PITRM1: variants seen among roughly 807,000 people sequenced by gnomAD.
PITRM1 encodes pitrilysin metallopeptidase 1, also known as presequence protease, mitochondrial.
Under a neutral mutation model 129.9 loss-of-function variants are expected in PITRM1, and 100 were observed. The ratio of observed to expected loss-of-function variants is 0.77; its 90% CI spans 0.65 to 0.91. The LOEUF is 0.91. PITRM1 is among the 40% of genes least tolerant of loss of function. PITRM1 has a pLI of 0.00. For missense variants in PITRM1, 1,471 were observed against 1,318.3 expected (o/e 1.12, Z -1.79); for synonymous variants, 591 against 508.8 (o/e 1.16, Z -2.17).
intron 21 of PITRM1, 45 bp from the exon 22 acceptor site, chr10:3,144,411 A>C: frequency 6.1e-6 from 7 of 1,144,712 alleles, no homozygotes; most frequent in Non-Finnish European, 8.9e-6. Context: ...TCCAGAACTC[A>C]CTTGAAATAT....
chr10:3,154,779 T>C (rs1273719013), intron 14 of PITRM1, among the ~76,000 whole-genome samples: 2 of 152,178 alleles, frequency 1.3e-5, no homozygotes, highest in African/African-American at 4.8e-5. Context: ...AAACTACCTT[T>C]GAGAATCCAT....
At chr10:3,156,415 A>G (rs561250965) in intron 13 of PITRM1, among the ~76,000 whole-genome samples, 33 of 152,378 alleles carry the variant, frequency 2.2e-4, no homozygotes, top group African/African-American at 7.7e-4. Flanking sequence ...TCTCATGTCT[A>G]AAACAATGGA....
intron 15 of PITRM1, among the ~76,000 whole-genome samples, chr10:3,150,609 TC>T: frequency 6.6e-6 from 1 of 152,162 alleles, no homozygotes; most frequent in South Asian, 2.1e-4. Flanking sequence ...ATCAACACTG[TC>T]GCAGGTGAGG....
chr10:3,151,211 C>A, intron 15 of PITRM1, 36 bp downstream of exon 15: 2 of 1,176,978 alleles, frequency 1.7e-6, no homozygotes, highest in Non-Finnish European at 2.5e-6. Context: ...CCCCAAGGAA[C>A]CCGAGACCCG....
Position 3,159,890 on chromosome 10 carries a change from G to T in PITRM1, c.965C>A (p.Pro322His). The change falls in exon 9 of 27, where the codon CCC (proline) becomes CAC (histidine). Residue 322 changes from proline to histidine, a missense_variant. By Grantham distance (77) the Pro-to-His change is moderately conservative. Coordinates refer to ENST00000224949, the MANE Select transcript of PITRM1 (RefSeq NM_014889.4). ...TCGPDSFATD[P>H]SKQTTISVSF... ...AACGCTGATGGTTGTTTGTTTAGAG[G>T]GATCTGTAGCAAATGAATCCGGGCC... 1 of 1,606,012 alleles carries T rather than the reference G, an allele frequency of 6.2e-7. No individual in the cohort carries two copies. Among genetic ancestry groups the T allele is most frequent in the South Asian group, 1.1e-5 (1 of 89,096 alleles).
At chr10:3,171,665 C>T (rs554857057) in intron 1 of PITRM1, among the ~76,000 whole-genome samples, 68 of 152,308 alleles carry the variant, frequency 4.5e-4, no homozygotes, top group Non-Finnish European at 4.7e-4. Flanking sequence ...TCTTGAACTC[C>T]TGACCTCAAG....
chr10:3,156,312 C>A (rs913664011), intron 13 of PITRM1, among the ~76,000 whole-genome samples: 1 of 152,146 alleles, frequency 6.6e-6, no homozygotes, highest in Non-Finnish European at 1.5e-5. Context: ...TAAAATACTA[C>A]AAACAGGTGA....
intron 15 of PITRM1, among the ~76,000 whole-genome samples, chr10:3,150,235 A>G (rs952579286): frequency 1.4e-5 from 2 of 148,062 alleles, no homozygotes; most frequent in African/African-American, 4.8e-5. Context: ...ATTCAGCTTC[A>G]TATGTCCCTA....
chr10:3,156,989 T>C lies in PITRM1; in HGVS notation c.1423A>G (p.Arg475Gly). The C allele has an allele frequency of 6.2e-7, 1 of 1,610,392 alleles. No individual in the cohort carries two copies. The highest frequency in any genetic ancestry group is 1.1e-5 in the South Asian group (1 of 90,244). The change falls in exon 13 of 27, where the codon AGA (arginine) becomes GGA (glycine). Residue 475 changes from arginine (R) to glycine (G), a missense_variant. Physicochemically the swap from Arg to Gly is moderately radical, Grantham distance 125. Coordinates refer to ENST00000224949, the MANE Select transcript of PITRM1 (RefSeq NM_014889.4). ...TTTGGATTTTCCTGCAGGCACTGTCTGAATTTAGCTAACTGATTTCCCAAC... is the reference window on the plus strand; with the variant it reads ...TTTGGATTTTCCTGCAGGCACTGTCCGAATTTAGCTAACTGATTTCCCAAC... ...LKLGNQLAKF[R>G]QCLQENPKFL...
At position 3,172,707 on chromosome 10, in the gene PITRM1, A is replaced by G; in HGVS notation, c.56+10T>C. The G allele has an allele frequency of 3.3e-6, 5 of 1,535,998 alleles. No individual in the cohort carries two copies. Among genetic ancestry groups the G allele is most frequent in the Non-Finnish European group, 4.4e-6 (5 of 1,141,912 alleles). ...CAGCGCGCCGAGCGCCTCCCGTCGC[A>G]GCGTCTCACCCGCCGCTCAGCCGCC... On this transcript the variant is annotated intron_variant, in intron 1 of 26. Coordinates refer to ENST00000224949, the MANE Select transcript of PITRM1 (RefSeq NM_014889.4).
chr10:3,159,834 C>G lies in PITRM1; in HGVS notation c.1007+14G>C, dbSNP rs770654412. On this transcript the variant is annotated intron_variant, in intron 9 of 26. Transcript: ENST00000224949. ...TGTTTTTGTCTTGTATGAGCTTTGA[C>G]AGCATATACTTACTCCGGTAAGAGG... 4.0e-6 allele frequency: 6 copies of G among 1,496,450 alleles called. No individual in the cohort carries two copies. Among genetic ancestry groups the G allele is most frequent in the Admixed American group, 3.5e-5 (2 of 56,736 alleles). The allele number at this position is 1,496,450 out of a possible 1,614,324, so 92.7% of individuals were successfully genotyped here.
chr10:3,138,267 G>A lies in PITRM1; in HGVS notation c.2988C>T (p.Val996=), dbSNP rs552902437. 6.2e-7 allele frequency: 1 copy of A among 1,613,804 alleles called. No homozygotes were observed. The highest frequency in any genetic ancestry group is 8.5e-7 in the Non-Finnish European group (1 of 1,179,728). Residue 996 remains valine (V), a synonymous_variant, in exon 26 of 27, where the codon GTC becomes GTT. Coordinates refer to ENST00000224949, the MANE Select transcript of PITRM1 (RefSeq NM_014889.4). The part of the protein sequence containing the change: ...KQAHREQLFA[V]SHDKLLAVSD... Reference sequence around the variant, plus strand: ...TCACGGCCAGGAGCTTGTCGTGGCTGACAGCAAAGAGCTGCTCTCTGTGGG... The same window carrying A: ...TCACGGCCAGGAGCTTGTCGTGGCTAACAGCAAAGAGCTGCTCTCTGTGGG...
intron 14 of PITRM1, among the ~76,000 whole-genome samples, 151 bp from the exon 15 acceptor site, chr10:3,151,514 C>A (rs1437754295): frequency 6.6e-6 from 1 of 152,196 alleles, no homozygotes; most frequent in South Asian, 2.1e-4. Flanking sequence ...AAAGTATCTC[C>A]TATTTCCAGG....
intron 23 of PITRM1, 67 bp from the exon 24 acceptor site, chr10:3,140,879 G>A (rs1840119854): frequency 4.8e-6 from 6 of 1,257,752 alleles, no homozygotes; most frequent in Non-Finnish European, 6.8e-6. Flanking sequence ...TGAAGTAATT[G>A]TTGGATTAAG....
intron 14 of PITRM1, among the ~76,000 whole-genome samples, chr10:3,152,691 G>C (rs1007711939): frequency 2.0e-5 from 3 of 152,188 alleles, no homozygotes; most frequent in African/African-American, 7.2e-5. Flanking sequence ...CTAACATCCT[G>C]ACTTTCCCGA....
chr10:3,138,060 C>A lies in PITRM1; in HGVS notation c.3085G>T (p.Ala1029Ser), dbSNP rs780947659. ...TGGATGATCCAGGATGGGTCCTTGG[C>A]AATTTTCGGGTTCTCGGGTCCGAGG... Reference protein sequence around the residue: ...AILGPENPKIAKDPSWIIQ With the variant: ...AILGPENPKISKDPSWIIQ Residue 1029 changes from alanine to serine, a missense_variant, in exon 27 of 27, where the codon GCC becomes TCC. By Grantham distance (99) the Ala-to-Ser change is moderately conservative (BLOSUM62 1). Transcript: ENST00000224949. 1.9e-6 allele frequency: 3 copies of A among 1,609,020 alleles called. No homozygotes were observed. In the South Asian group the frequency reaches 3.3e-5, roughly 18 times the overall value.
rs758967007 is a variant in PITRM1 at position 3,156,945 on chromosome 10, T to C, written c.1467A>G (p.Val489=). Residue 489 remains valine, a synonymous_variant, in exon 13 of 27, where the codon GTA becomes GTG. Transcript: ENST00000224949. The part of the protein sequence containing the change: ...QENPKFLQEK[V]KQYFKNNQHK... ...ACTTTCTTACCTTAAAATACTGTTT[T>C]ACTTTTTCTTGCAAAAATTTTGGAT... The C allele has an allele frequency of 6.4e-7, 1 of 1,574,514 alleles. No homozygotes were observed. The highest frequency in any genetic ancestry group is 2.3e-5 in the East Asian group (1 of 43,632).
chr10:3,172,035 C>A, intron 1 of PITRM1: 1 of 329,508 alleles, frequency 3.0e-6, no homozygotes. Context: ...ACTGATTTAG[C>A]AAATTTCAGA....
intron 14 of PITRM1, among the ~76,000 whole-genome samples, chr10:3,152,807 A>G (rs916446846): frequency 2.6e-5 from 4 of 152,226 alleles, no homozygotes; most frequent in Admixed American, 2.0e-4. Flanking sequence ...CACCTGCGCT[A>G]GAGCACGCCA....
Sources: allele counts gnomAD v4.1 joint callset (sites outside exome capture counted in the v4.1 genomes callset), GRCh38; gene constraint gnomAD v4.1.1; transcripts MANE v1.5; gene names NCBI Gene and HGNC (gene_info 2026-07-23, HGNC 2026-07-21).